RAPGEF6: variants seen among roughly 807,000 people sequenced by gnomAD.
RAPGEF6 encodes PDZ domain containing guanine nucleotide exchange factor (GEF) 2.
In RAPGEF6, 56 loss-of-function variants were observed where a neutral mutation model predicts 171.4. The ratio of observed to expected loss-of-function variants is 0.33; its 90% CI spans 0.26 to 0.41. RAPGEF6 has a LOEUF of 0.41. RAPGEF6 is among the 10% of genes least tolerant of loss of function. The pLI, the probability that RAPGEF6 is intolerant of heterozygous loss-of-function variation, is 1.00. For synonymous variants in RAPGEF6, 692 were observed against 650.1 expected (o/e 1.06, Z -0.98); for missense variants, 1,674 against 1,921.4 (o/e 0.87, Z 2.41).
chr5:131,512,146 G>A (rs148943857), intron 7 of RAPGEF6, among the ~76,000 whole-genome samples: 11 of 152,062 alleles, frequency 7.2e-5, no homozygotes, highest in African/African-American at 2.7e-4. Context: ...GAGCATGCAG[G>A]GCAGAGAAAG....
intron 15 of RAPGEF6, among the ~76,000 whole-genome samples, chr5:131,488,957 G>A (rs1193227032): frequency 6.6e-6 from 1 of 152,096 alleles, no homozygotes; most frequent in Non-Finnish European, 1.5e-5. Flanking sequence ...AGTAGATTTG[G>A]TTAAAAGTAT....
chr5:131,498,556 C>T lies in RAPGEF6; in HGVS notation c.1306G>A (p.Asp436Asn), dbSNP rs756592676. The change falls in exon 12 of 28, where the codon GAT (aspartate) becomes AAT (asparagine). Residue 436 changes from aspartate to asparagine, a missense_variant. By Grantham distance (23) the Asp-to-Asn change is conservative (BLOSUM62 1). Transcript: ENST00000509018. ...AGAAAATCTTCTATATAAGTTGGATCCACGATGGAATGTTCTTCTATTAAA... is the reference window on the plus strand; with the variant it reads ...AGAAAATCTTCTATATAAGTTGGATTCACGATGGAATGTTCTTCTATTAAA... ...MHLIEEHSIV[D>N]PTYIEDFLLT... 1.2e-6 allele frequency: 2 copies of T among 1,613,742 alleles called. No individual in the cohort carries two copies. The highest frequency in any genetic ancestry group is 1.1e-5 in the South Asian group (1 of 90,980).
At chr5:131,530,408 CTATT>C (rs1580979399) in intron 6 of RAPGEF6, among the ~76,000 whole-genome samples, 1 of 152,034 alleles carries the variant, frequency 6.6e-6, no homozygotes, top group African/African-American at 2.4e-5. Flanking sequence ...GCTAATACGA[CTATT>C]TATTTTAGCA....
chr5:131,525,882 T>C (rs1372065238), intron 6 of RAPGEF6, among the ~76,000 whole-genome samples: 2 of 152,114 alleles, frequency 1.3e-5, no homozygotes, highest in Non-Finnish European at 2.9e-5. Flanking sequence ...GTACTGACAA[T>C]GTACTGAGCA....
chr5:131,545,848 T>C (rs1760489246), intron 6 of RAPGEF6, among the ~76,000 whole-genome samples: 3 of 152,240 alleles, frequency 2.0e-5, no homozygotes, highest in Admixed American at 6.5e-5. Flanking sequence ...AATTTCTCCT[T>C]TTCATGATTT....
In RAPGEF6 at chr5:131,631,589, G is replaced by A. The variant is rs528726666; in HGVS notation, c.69+3373C>T. Among the ~76,000 whole-genome samples, 51 of 152,232 alleles carry A rather than the reference G, an allele frequency of 3.4e-4. 1 individual carries two copies. Among genetic ancestry groups the A allele is most frequent in the Admixed American group, 9.2e-4 (14 of 15,300 alleles). On this transcript the variant is annotated intron_variant, in intron 1 of 27. Transcript: ENST00000509018. ...AACCTGATTTTATGCAATAACAGCCGTTAACCTCCTGCTTTTGCCCTTAAA... is the reference window on the plus strand; with the variant it reads ...AACCTGATTTTATGCAATAACAGCCATTAACCTCCTGCTTTTGCCCTTAAA...
At chr5:131,554,070 G>T (rs1447655636) in intron 5 of RAPGEF6, among the ~76,000 whole-genome samples, 1 of 151,900 alleles carries the variant, frequency 6.6e-6, no homozygotes, top group Non-Finnish European at 1.5e-5. Context: ...GACTTTTAAT[G>T]CAGCCAGAAA....
chr5:131,452,242 G>A (rs953618399), intron 21 of RAPGEF6, among the ~76,000 whole-genome samples: 18 of 151,900 alleles, frequency 1.2e-4, no homozygotes, highest in Non-Finnish European at 2.4e-4. Flanking sequence ...AAATTACTAG[G>A]AATACTTAAC....
chr5:131,589,568 G>A (rs1763468786), intron 4 of RAPGEF6, among the ~76,000 whole-genome samples: 2 of 152,206 alleles, frequency 1.3e-5, no homozygotes, highest in African/African-American at 2.4e-5. Context: ...AGCCAGGGGA[G>A]TGGACTGTGA....
chr5:131,503,666 CAGTT>C (rs908519554), intron 11 of RAPGEF6, among the ~76,000 whole-genome samples: 3 of 152,138 alleles, frequency 2.0e-5, no homozygotes, highest in Non-Finnish European at 4.4e-5. Flanking sequence ...AAAAGAGAAA[CAGTT>C]ATGTGTTTAT....
chr5:131,565,994 A>C (rs1424301855), intron 4 of RAPGEF6, among the ~76,000 whole-genome samples: 1 of 152,042 alleles, frequency 6.6e-6, no homozygotes, highest in African/African-American at 2.4e-5. Context: ...AAAAAACACA[A>C]AAATCAGCCA....
chr5:131,471,713 A>C (rs573138519), intron 17 of RAPGEF6, among the ~76,000 whole-genome samples: 1 of 151,688 alleles, frequency 6.6e-6, no homozygotes, highest in East Asian at 2.0e-4. Context: ...TAACTGTGAC[A>C]ATTTTTGCCT....
chr5:131,601,563 A>T (rs1303674415), intron 3 of RAPGEF6, among the ~76,000 whole-genome samples: 3 of 152,224 alleles, frequency 2.0e-5, no homozygotes, highest in Admixed American at 6.5e-5. Context: ...CATAAATGTC[A>T]TTCATCATCA....
chr5:131,468,966 T>C (rs1754566095), intron 17 of RAPGEF6, among the ~76,000 whole-genome samples: 1 of 152,168 alleles, frequency 6.6e-6, no homozygotes, highest in Non-Finnish European at 1.5e-5. Context: ...TCTCACAAAA[T>C]AGTTTTTCAA....
At chr5:131,606,968 A>C (rs917267743) in intron 1 of RAPGEF6, among the ~76,000 whole-genome samples, 1 of 152,228 alleles carries the variant, frequency 6.6e-6, no homozygotes, top group Non-Finnish European at 1.5e-5. Context: ...GAACCTGCTG[A>C]ATGTAGGTAA....
chr5:131,452,081 G>T (rs909598821), intron 21 of RAPGEF6, among the ~76,000 whole-genome samples: 1 of 152,146 alleles, frequency 6.6e-6, no homozygotes, highest in African/African-American at 2.4e-5. Flanking sequence ...TTAGCCGGGC[G>T]TAGTGGCAGG....
chr5:131,436,513 A>G, intron 24 of RAPGEF6: 2 of 829,120 alleles, frequency 2.4e-6, no homozygotes, highest in South Asian at 3.9e-5. Context: ...ATATTTTTTA[A>G]TGCATGGAAA....
chr5:131,488,053 T>C (rs566780231), intron 15 of RAPGEF6, among the ~76,000 whole-genome samples: 1 of 152,280 alleles, frequency 6.6e-6, no homozygotes, highest in South Asian at 2.1e-4. Flanking sequence ...CCTTGGTGTT[T>C]TGCTTTCCTC....
At chr5:131,623,920 A>C (rs1377593964) in intron 1 of RAPGEF6, among the ~76,000 whole-genome samples, 1 of 152,220 alleles carries the variant, frequency 6.6e-6, no homozygotes, top group Admixed American at 6.5e-5. Context: ...AGAAATATGC[A>C]AGTAATCATA....
Sources: gnomAD v4.1 joint callset for allele counts (sites outside exome capture counted in the v4.1 genomes callset) on GRCh38, gnomAD v4.1.1 for gene constraint, MANE v1.5 for transcripts, NCBI Gene and HGNC (gene_info 2026-07-23, HGNC 2026-07-21) for gene names.